Variants in TSPAN15 observed in about 807,000 individuals in gnomAD.
TSPAN15 encodes tetraspanin-15.
TSPAN15 carries 20 observed loss-of-function variants against 34.5 expected under a neutral mutation model. The ratio of observed to expected loss-of-function variants is 0.58; its 90% CI spans 0.41 to 0.84. TSPAN15 has a LOEUF of 0.84. Ranked by LOEUF, TSPAN15 falls within the 40% of genes least tolerant of loss-of-function variation. The pLI is 0.00. For synonymous variants in TSPAN15, 155 were observed against 153.9 expected (o/e 1.01, Z -0.05); for missense variants, 313 against 386.1 (o/e 0.81, Z 1.59).
intron 1 of TSPAN15, among the ~76,000 whole-genome samples, chr10:69,476,842 G>T (rs1841624465): frequency 6.6e-6 from 1 of 152,098 alleles, no homozygotes; most frequent in African/African-American, 2.4e-5. Context: ...GTAGGGCCAG[G>T]TCAGTGGGAT....
chr10:69,485,979 C>T (rs2133117552), intron 3 of TSPAN15, among the ~76,000 whole-genome samples: 1 of 152,304 alleles, frequency 6.6e-6, no homozygotes, highest in Admixed American at 6.5e-5. Flanking sequence ...ATCCGGGCCC[C>T]TTAGAGCCAG....
chr10:69,520,880 T>A, the TSPAN15 span, among the ~76,000 whole-genome samples: 1 of 152,240 alleles, frequency 6.6e-6, no homozygotes, highest in Non-Finnish European at 1.5e-5. Flanking sequence ...TACATTTAGC[T>A]TTTTGAAGAA....
chr10:69,458,303 C>A (rs10998791), intron 1 of TSPAN15, among the ~76,000 whole-genome samples: 46,456 of 152,092 alleles, frequency 0.31, 7,350 homozygotes, highest in South Asian at 0.34. Context: ...TTGTGAAAAT[C>A]ATACATGCGC....
intron 1 of TSPAN15, among the ~76,000 whole-genome samples, chr10:69,462,002 A>G (rs1224187561): frequency 6.7e-6 from 1 of 150,114 alleles, no homozygotes; most frequent in Non-Finnish European, 1.5e-5. Context: ...AAAAAAAATT[A>G]TAATGACAGG....
chr10:69,512,636 C>T (rs1225238479), downstream of TSPAN15, among the ~76,000 whole-genome samples: 1 of 152,244 alleles, frequency 6.6e-6, no homozygotes, highest in Non-Finnish European at 1.5e-5. Flanking sequence ...TGCTTTCTGT[C>T]TCTATAAATT....
intron 1 of TSPAN15, among the ~76,000 whole-genome samples, chr10:69,462,456 T>G (rs1841290595): frequency 1.3e-5 from 2 of 152,140 alleles, no homozygotes; most frequent in Non-Finnish European, 2.9e-5. Context: ...TGCCTCAGCC[T>G]CCTGAGTAGC....
At chr10:69,548,092 C>A in the TSPAN15 span, among the ~76,000 whole-genome samples, 6 of 151,886 alleles carry the variant, frequency 4.0e-5, 1 homozygote, top group Admixed American at 3.3e-4. Context: ...TGAAGAAGAA[C>A]CACATGGAAT....
downstream of TSPAN15, among the ~76,000 whole-genome samples, chr10:69,508,133 G>C (rs992720383): frequency 5.3e-5 from 8 of 152,106 alleles, no homozygotes; most frequent in African/African-American, 1.9e-4. Context: ...GCTCTTAGTA[G>C]CCAGGGCAAT....
At chr10:69,460,993 G>C (rs1363728255) in intron 1 of TSPAN15, among the ~76,000 whole-genome samples, 1 of 152,184 alleles carries the variant, frequency 6.6e-6, no homozygotes, top group Non-Finnish European at 1.5e-5. Context: ...CTTGTCTGCT[G>C]GGAGGGGATA....
the TSPAN15 span, among the ~76,000 whole-genome samples, chr10:69,548,831 G>A: frequency 6.6e-6 from 1 of 152,066 alleles, no homozygotes; most frequent in Non-Finnish European, 1.5e-5. Context: ...AATCATTTGA[G>A]GTTCTACTAA....
chr10:69,510,197 C>T (rs148964230), downstream of TSPAN15, among the ~76,000 whole-genome samples: 3,294 of 152,308 alleles, frequency 0.022, 120 homozygotes, highest in African/African-American at 0.076. Flanking sequence ...GATATTGATT[C>T]TTCCTAACCA....
At chr10:69,466,856 C>A (rs991934589) in intron 1 of TSPAN15, among the ~76,000 whole-genome samples, 2 of 152,206 alleles carry the variant, frequency 1.3e-5, no homozygotes, top group Admixed American at 1.3e-4. Context: ...GTCTCCTTCG[C>A]GTGACCATTA....
At chr10:69,513,714 C>T in the TSPAN15 span, among the ~76,000 whole-genome samples, 66 of 152,334 alleles carry the variant, frequency 4.3e-4, no homozygotes, top group Non-Finnish European at 6.8e-4. Context: ...ATGTAACGCT[C>T]TTACATTTAA....
chr10:69,477,859 G>A (rs562842243), intron 1 of TSPAN15, among the ~76,000 whole-genome samples: 134 of 152,268 alleles, frequency 8.8e-4, no homozygotes, highest in Non-Finnish European at 1.1e-3. Context: ...TCTGTAAAAC[G>A]AGATTAGTTG....
the TSPAN15 span, among the ~76,000 whole-genome samples, chr10:69,522,295 A>G: frequency 7.0e-6 from 1 of 142,272 alleles, no homozygotes; most frequent in African/African-American, 2.6e-5. Context: ...TGGGGAGGTC[A>G]AGGCTGCAGT....
chr10:69,494,018 G>A (rs1245459849), intron 3 of TSPAN15, among the ~76,000 whole-genome samples: 1 of 152,192 alleles, frequency 6.6e-6, no homozygotes, highest in Non-Finnish European at 1.5e-5. Context: ...ATAATTTTGG[G>A]AGATGGCCCC....
chr10:69,459,930 C>CCCCA (rs1554830967), intron 1 of TSPAN15, among the ~76,000 whole-genome samples: 2 of 144,082 alleles, frequency 1.4e-5, no homozygotes, highest in African/African-American at 5.2e-5. Flanking sequence ...ACCCCCCCCC[C>CCCCA]ACGAATGGAG....
intron 1 of TSPAN15, among the ~76,000 whole-genome samples, chr10:69,480,620 G>A (rs1841713710): frequency 6.6e-6 from 1 of 152,180 alleles, no homozygotes; most frequent in South Asian, 2.1e-4. Context: ...TCTTTTATTT[G>A]TCCAGGTTTA....
chr10:69,539,477 A>C, the TSPAN15 span, among the ~76,000 whole-genome samples: 1 of 56,440 alleles, frequency 1.8e-5, no homozygotes, highest in East Asian at 1.3e-3. Flanking sequence ...AAGGAGAAGG[A>C]GAAGGAGAAG....
Sources: gnomAD v4.1 joint callset for allele counts (sites outside exome capture counted in the v4.1 genomes callset) on GRCh38, gnomAD v4.1.1 for gene constraint, MANE v1.5 for transcripts, NCBI Gene and HGNC (gene_info 2026-07-23, HGNC 2026-07-21) for gene names.